Variants in ILDR2 observed in about 807,000 individuals in gnomAD.
ILDR2 encodes immunoglobulin like domain containing receptor 2.
Under a neutral mutation model 66.8 loss-of-function variants are expected in ILDR2, and 25 were observed. That is an observed-to-expected ratio of 0.37 (90% confidence interval 0.27 to 0.52). ILDR2 has a LOEUF of 0.52. ILDR2 is among the 20% of genes least tolerant of loss of function. ILDR2 has a pLI of 0.88. For synonymous variants in ILDR2, 367 were observed against 357.2 expected (o/e 1.03, Z -0.31); for missense variants, 827 against 876.8 (o/e 0.94, Z 0.72).
intron 3 of ILDR2, among the ~76,000 whole-genome samples, chr1:166,954,816 G>A (rs1320932190): frequency 2.0e-5 from 3 of 152,116 alleles, no homozygotes; most frequent in Non-Finnish European, 4.4e-5. Flanking sequence ...TGATCCAGAG[G>A]AATGCCCTTC....
At chr1:166,933,815 C>T (rs1215130286) in intron 6 of ILDR2, among the ~76,000 whole-genome samples, 1 of 152,200 alleles carries the variant, frequency 6.6e-6, no homozygotes, top group South Asian at 2.1e-4. Flanking sequence ...CTGTGTGTCA[C>T]TGATCATTAA....
chr1:166,933,672 AG>A, intron 6 of ILDR2: 1 of 333,450 alleles, frequency 3.0e-6, no homozygotes, highest in Non-Finnish European at 4.3e-6. Context: ...TTAAAAAATA[AG>A]GGGGAAAGGA....
chr1:166,962,359 G>C (rs148356923), intron 1 of ILDR2, among the ~76,000 whole-genome samples: 1 of 152,222 alleles, frequency 6.6e-6, no homozygotes, highest in African/African-American at 2.4e-5. Flanking sequence ...CAATCCAGTT[G>C]CTCCACTGGG....
At chr1:166,900,548 A>G (rs1659241722) in intron 2 of ILDR2, among the ~76,000 whole-genome samples, 1 of 152,236 alleles carries the variant, frequency 6.6e-6, no homozygotes, top group East Asian at 1.9e-4. Flanking sequence ...ATTTCTTTCT[A>G]TGAAGCAGAT....
chr1:166,933,613 GT>G, intron 6 of ILDR2: 1 of 830,534 alleles, frequency 1.2e-6, no homozygotes. Context: ...ATGACAGAGA[GT>G]AAGTATTTGC....
chr1:166,973,612 TCCCC>T (rs59745587), intron 1 of ILDR2, among the ~76,000 whole-genome samples: 3 of 64,952 alleles, frequency 4.6e-5, no homozygotes, highest in Non-Finnish European at 8.9e-5. Context: ...CAGGGACCCC[TCCCC>T]CCCCCCCCCG....
At chr1:166,923,981 G>A (rs908357345) in intron 7 of ILDR2, among the ~76,000 whole-genome samples, 1 of 152,128 alleles carries the variant, frequency 6.6e-6, no homozygotes, top group Non-Finnish European at 1.5e-5. Flanking sequence ...GGAAATATGT[G>A]TCTCAGATTC....
At chr1:166,962,449 G>T (rs1662677685) in intron 1 of ILDR2, among the ~76,000 whole-genome samples, 1 of 152,168 alleles carries the variant, frequency 6.6e-6, no homozygotes, top group African/African-American at 2.4e-5. Context: ...GTTGGGTATT[G>T]TTTCCTATAC....
At chr1:166,922,898 G>T in intron 7 of ILDR2, 89 bp from the exon 8 acceptor site, 1 of 1,176,094 alleles carries the variant, frequency 8.5e-7, no homozygotes, top group Non-Finnish European at 1.3e-6. Flanking sequence ...GAGACCCTAG[G>T]CTCCAGGAAA....
intron 1 of ILDR2, among the ~76,000 whole-genome samples, chr1:166,959,157 T>C (rs59698598): frequency 0.012 from 1,871 of 152,346 alleles, 29 homozygotes; most frequent in African/African-American, 0.043. Context: ...GGCAACTTTT[T>C]GCATCTTTTA....
intron 6 of ILDR2, among the ~76,000 whole-genome samples, chr1:166,931,477 T>C (rs1462217675): frequency 6.6e-6 from 1 of 152,246 alleles, no homozygotes; most frequent in African/African-American, 2.4e-5. Flanking sequence ...CACATCCTTA[T>C]TAATTTTGAA....
At chr1:166,965,797 T>C (rs1000391234) in intron 1 of ILDR2, among the ~76,000 whole-genome samples, 1 of 151,584 alleles carries the variant, frequency 6.6e-6, no homozygotes, top group African/African-American at 2.4e-5. Flanking sequence ...CTGGTCAACT[T>C]AGGTATTCTT....
intron 1 of ILDR2, among the ~76,000 whole-genome samples, chr1:166,969,108 T>C (rs563397993): frequency 6.6e-6 from 1 of 152,222 alleles, no homozygotes; most frequent in Non-Finnish European, 1.5e-5. Flanking sequence ...TAGCTTTCCA[T>C]TATTAAAGCA....
At chr1:166,922,486 T>C (rs1660009743) in intron 8 of ILDR2, 107 bp downstream of exon 8, 15 of 801,144 alleles carry the variant, frequency 1.9e-5, no homozygotes. Flanking sequence ...TAACCTGGAA[T>C]GGGAGACAGA....
In ILDR2 at chr1:166,975,212, A is replaced by G; in HGVS notation, c.46+11T>C. Reference sequence around the variant, plus strand: ...ACAAAGTTATTCGTTTCTGTTGAAAAGGACTCTTACCTGTTAGCCAGAAGA... The same window carrying G: ...ACAAAGTTATTCGTTTCTGTTGAAAGGGACTCTTACCTGTTAGCCAGAAGA... On this transcript the variant is annotated intron_variant, in intron 1 of 9. Transcript: ENST00000271417. The G allele has an allele frequency of 1.2e-6, 2 of 1,605,618 alleles. No homozygotes were observed. The highest frequency in any genetic ancestry group is 1.7e-6 in the Non-Finnish European group (2 of 1,172,530).
chr1:166,973,408 A>T (rs1255410145), intron 1 of ILDR2, among the ~76,000 whole-genome samples: 1 of 151,908 alleles, frequency 6.6e-6, no homozygotes, highest in Non-Finnish European at 1.5e-5. Context: ...CCTCTCTAGG[A>T]CTCCATCTCT....
At chr1:166,932,869 G>T (rs56407270) in intron 6 of ILDR2, among the ~76,000 whole-genome samples, 4 of 152,154 alleles carry the variant, frequency 2.6e-5, no homozygotes, top group Non-Finnish European at 5.9e-5. Context: ...TGACATTTTT[G>T]TAAATTAACA....
At chr1:166,906,835 G>T (rs1445075659), downstream of ILDR2, among the ~76,000 whole-genome samples, 1 of 152,196 alleles carries the variant, frequency 6.6e-6, no homozygotes, top group African/African-American at 2.4e-5. Flanking sequence ...GTATGTGAGA[G>T]TTCAGATGTA....
chr1:166,952,449 G>C (rs1249764835), intron 3 of ILDR2, among the ~76,000 whole-genome samples: 3 of 152,120 alleles, frequency 2.0e-5, no homozygotes, highest in Non-Finnish European at 2.9e-5. Flanking sequence ...GACATTAAAG[G>C]GTGTTCAGTA....
Sources: gnomAD v4.1 joint callset for allele counts (sites outside exome capture counted in the v4.1 genomes callset) on GRCh38, gnomAD v4.1.1 for gene constraint, MANE v1.5 for transcripts, NCBI Gene and HGNC (gene_info 2026-07-23, HGNC 2026-07-21) for gene names.